BTBD8: variants seen among roughly 807,000 people sequenced by gnomAD.
The protein encoded by BTBD8 is BTB domain containing 8.
In BTBD8, 110 loss-of-function variants were observed where a neutral mutation model predicts 162.9. That is an observed-to-expected ratio of 0.68 (90% CI 0.58 to 0.79). The LOEUF is 0.79. Among genes scored for constraint, BTBD8 ranks in the 30% least tolerant of loss-of-function variants. BTBD8 has a pLI of 0.00. For synonymous variants in BTBD8, 667 were observed against 716.1 expected (o/e 0.93, Z 1.10); for missense variants, 1,905 against 2,085.4 (o/e 0.91, Z 1.68).
chr1:92,157,343 G>A (rs997530368), intron 9 of BTBD8, among the ~76,000 whole-genome samples: 3 of 152,096 alleles, frequency 2.0e-5, no homozygotes, highest in African/African-American at 2.4e-5. Flanking sequence ...GATAGATTCT[G>A]GAGAACATTT....
At position 92,169,132 on chromosome 1, in the gene BTBD8, C is replaced by G. The variant is rs560163981; in HGVS notation, c.1573+137C>G. The G allele has an allele frequency of 1.2e-4, 93 of 803,400 alleles. No individual in the cohort carries two copies. In the African/African-American group the frequency reaches 1.5e-3, roughly 13 times the overall value. 49.8% of individuals were successfully genotyped at this position (803,400 alleles called of 1,614,324 possible). ...TAATAGGATAACTGAAACTGGTGCT[C>G]ATATGTTTAGGCAGTTTTAATAAAT... is the stretch of plus-strand genomic sequence containing the variant. On this transcript the variant is annotated intron_variant, in intron 12 of 17. Transcript: ENST00000636805.
intron 2 of BTBD8, among the ~76,000 whole-genome samples, chr1:92,096,998 A>G (rs1169116664): frequency 1.3e-5 from 2 of 152,054 alleles, no homozygotes; most frequent in East Asian, 1.9e-4. Flanking sequence ...AACTTTTACA[A>G]ACTTCTTCCA....
In BTBD8 at chr1:92,153,883, A is replaced by T. The variant is rs149471155; in HGVS notation, c.1122+6097A>T. On this transcript the variant is annotated intron_variant, in intron 9 of 17. Transcript: ENST00000636805. ...TTGAATGAATGCTGATGTGCTTTGG[A>T]TGTTTGTCCTCTCCAAGTCTCATGT... is the stretch of plus-strand genomic sequence containing the variant. Among the ~76,000 whole-genome samples, 99 of 152,044 alleles carry T rather than the reference A, an allele frequency of 6.5e-4. 3 individuals carry two copies. In the East Asian group the frequency reaches 0.015, roughly 23 times the overall value.
intron 1 of BTBD8, among the ~76,000 whole-genome samples, chr1:92,081,017 T>C (rs17131599): frequency 0.077 from 11,732 of 152,290 alleles, 1,299 homozygotes; most frequent in African/African-American, 0.25. Context: ...CACGCTTAGT[T>C]GTTTCCAATC....
intron 4 of BTBD8, among the ~76,000 whole-genome samples, chr1:92,128,302 A>G (rs1390707066): frequency 1.4e-5 from 2 of 138,390 alleles, no homozygotes; most frequent in African/African-American, 2.8e-5. Context: ...TTTTTGAGAC[A>G]CAGTCTTGCT....
chr1:92,176,995 C>T lies in BTBD8; in HGVS notation c.1802C>T (p.Thr601Ile), dbSNP rs1650733591. Residue 601 changes from threonine to isoleucine, a missense_variant, in exon 14 of 18, where the codon ACT becomes ATT. Transcript: ENST00000636805. ...ACCAATAGAAATAGTATAAATAAAA[C>T]TCTGAAGCAAGATGATGTAAAGGAA... ...SSTNRNSINK[T>I]LKQDDVKEKD... is the part of the protein sequence containing the mutation. 1 of 1,547,614 alleles carries T rather than the reference C, an allele frequency of 6.5e-7. No individual in the cohort carries two copies. Among genetic ancestry groups the T allele is most frequent in the South Asian group, 1.2e-5 (1 of 83,452 alleles).
chr1:92,084,767 A>G (rs1648109801), intron 1 of BTBD8, among the ~76,000 whole-genome samples: 1 of 152,152 alleles, frequency 6.6e-6, no homozygotes, highest in Non-Finnish European at 1.5e-5. Flanking sequence ...ACTGAGGTTA[A>G]TAGAGGTTCA....
intron 4 of BTBD8, among the ~76,000 whole-genome samples, chr1:92,119,128 C>T (rs1024280500): frequency 2.6e-5 from 4 of 151,512 alleles, no homozygotes; most frequent in Non-Finnish European, 4.4e-5. Context: ...AGGATACACA[C>T]GAAATTTATT....
At chr1:92,139,876 C>G (rs1175335428) in intron 6 of BTBD8, 1 of 126,466 alleles carries the variant, frequency 7.9e-6, no homozygotes, top group Non-Finnish European at 1.6e-5. Context: ...ATCACAAGAT[C>G]AAGAGATCGA....
chr1:92,087,878 AT>A (rs1430674954), intron 1 of BTBD8, among the ~76,000 whole-genome samples: 3 of 152,220 alleles, frequency 2.0e-5, no homozygotes, highest in Non-Finnish European at 2.9e-5. Context: ...TGCTGATGAT[AT>A]TGCTATAGTG....
intron 17 of BTBD8, among the ~76,000 whole-genome samples, chr1:92,183,483 A>G (rs1346633982): frequency 6.6e-6 from 1 of 151,778 alleles, no homozygotes; most frequent in Admixed American, 6.6e-5. Flanking sequence ...TGCCTTTTGC[A>G]ACGGACTTAC....
At chr1:92,126,425 C>A in intron 4 of BTBD8, 1 of 915,528 alleles carries the variant, frequency 1.1e-6, no homozygotes, top group Non-Finnish European at 1.7e-6. Context: ...CCTCCTCAAA[C>A]GAAACATCCA....
chr1:92,152,395 C>G (rs1240178942), intron 9 of BTBD8, among the ~76,000 whole-genome samples: 1 of 152,090 alleles, frequency 6.6e-6, no homozygotes, highest in East Asian at 1.9e-4. Flanking sequence ...AATTGTATAA[C>G]TTAGAATTCA....
At chr1:92,171,176 TA>T (rs1335488955) in intron 12 of BTBD8, among the ~76,000 whole-genome samples, 1 of 152,052 alleles carries the variant, frequency 6.6e-6, no homozygotes, top group African/African-American at 2.4e-5. Flanking sequence ...TTAATTTTAA[TA>T]ACATAAAACC....
At chr1:92,163,137 G>C (rs1316984323) in intron 9 of BTBD8, among the ~76,000 whole-genome samples, 1 of 151,646 alleles carries the variant, frequency 6.6e-6, no homozygotes, top group Non-Finnish European at 1.5e-5. Context: ...GGCAGATCAC[G>C]AGGTCAGGAG....
intron 4 of BTBD8, among the ~76,000 whole-genome samples, chr1:92,110,458 T>A (rs2101909768): frequency 6.6e-6 from 1 of 152,366 alleles, no homozygotes; most frequent in South Asian, 2.1e-4. Flanking sequence ...TACTACCTGA[T>A]TAGCCTTCAT....
Position 92,181,674 on chromosome 1 carries a change from C to A in BTBD8, c.3991C>A (p.Leu1331Ile). ...AATGAAAAAGCAAAGTAATAATGATCTTTTCCAAGTTAATTCAACGAGTGA... is the reference window on the plus strand; with the variant it reads ...AATGAAAAAGCAAAGTAATAATGATATTTTCCAAGTTAATTCAACGAGTGA... ...VKMKKQSNND[L>I]FQVNSTSDDE... Residue 1331 changes from leucine (L) to isoleucine (I), a missense_variant, in exon 17 of 18, where the codon CTT becomes ATT. This residue lies in a region of BTBD8 where 517 missense variants were observed against 606.6 expected (regional missense o/e 0.85). Transcript: ENST00000636805. 6.4e-7 allele frequency: 1 copy of A among 1,551,290 alleles called. No homozygotes were observed. The highest frequency in any genetic ancestry group is 8.7e-7 in the Non-Finnish European group (1 of 1,146,820).
Position 92,180,299 on chromosome 1 carries a change from T to G in BTBD8, c.2616T>G (p.Ser872=), listed in dbSNP as rs1447667525. 1 of 1,547,734 alleles carries G rather than the reference T, an allele frequency of 6.5e-7. No homozygotes were observed. Among genetic ancestry groups the G allele is most frequent in the Admixed American group, 2.0e-5 (1 of 50,096 alleles). Residue 872 remains serine (S), a synonymous_variant, in exon 17 of 18, where the codon TCT becomes TCG. Transcript: ENST00000636805. ...GAGAGTCACCAAACTCAGTAAAATC[T>G]TCAGTCTCTTCAAGGCAGTCTGATG... The part of the protein sequence containing the change: ...SQGESPNSVK[S]SVSSRQSDEN...
Position 92,184,358 on chromosome 1 carries a change from C to T in BTBD8, c.*28C>T, listed in dbSNP as rs10047246. ...GTTAACATTTTGGAAAAATTTATGCCACTCCTTTATTTTTTGATGCCTATA... is the reference window on the plus strand; with the variant it reads ...GTTAACATTTTGGAAAAATTTATGCTACTCCTTTATTTTTTGATGCCTATA... On this transcript the variant is annotated 3_prime_UTR_variant, in exon 18 of 18. Coordinates refer to ENST00000636805, the MANE Select transcript of BTBD8 (RefSeq NM_001376131.1). 1.2e-3 allele frequency: 1,675 copies of T among 1,415,774 alleles called. 15 individuals are homozygous for T. In the African/African-American group the frequency reaches 0.021, roughly 18 times the overall value. The allele number at this position is 1,415,774 out of a possible 1,614,324, so 87.7% of individuals were successfully genotyped here. A position where few individuals can be genotyped will look rare whatever the true frequency, so the allele number is the denominator to read the frequency against.
Sources: gnomAD v4.1 joint callset for allele counts (sites outside exome capture counted in the v4.1 genomes callset) on GRCh38, gnomAD v4.1.1 for gene constraint, gnomAD v4.1.1 regional missense constraint, MANE v1.5 for transcripts, NCBI Gene and HGNC (gene_info 2026-07-23, HGNC 2026-07-21) for gene names.